ERBB4: variants seen among roughly 807,000 people sequenced by gnomAD.
ERBB4 encodes receptor tyrosine-protein kinase erbB-4.
A neutral mutation model predicts 158.0 loss-of-function variants in ERBB4; 42 were observed. The observed-to-expected ratio is 0.27, with a 90% CI of 0.21 to 0.34. The LOEUF is 0.34. Ranked by LOEUF, ERBB4 falls within the 10% of genes least tolerant of loss-of-function variation. The pLI is 1.00. For missense variants in ERBB4, 1,333 were observed against 1,624.1 expected, an observed-to-expected ratio of 0.82 and a Z score of 3.08; for synonymous variants, 583 against 558.7, an observed-to-expected ratio of 1.04 and a Z score of -0.61.
At chr2:212,507,781 C>T (rs1691275614) in intron 1 of ERBB4, among the ~76,000 whole-genome samples, 1 of 152,140 alleles carries the variant, frequency 6.6e-6, no homozygotes, top group Non-Finnish European at 1.5e-5. Flanking sequence ...GGTGAATATA[C>T]TATAAACATG....
intron 1 of ERBB4, among the ~76,000 whole-genome samples, chr2:212,331,166 T>C (rs1466957532): frequency 6.7e-6 from 1 of 148,242 alleles, no homozygotes; most frequent in African/African-American, 2.4e-5. Flanking sequence ...GTAACACTTA[T>C]TGACAGACCA....
intron 1 of ERBB4, among the ~76,000 whole-genome samples, chr2:212,497,886 CTT>C (rs796857257): frequency 8.5e-5 from 13 of 152,248 alleles, no homozygotes; most frequent in African/African-American, 3.1e-4. Flanking sequence ...ACATTTTAAA[CTT>C]GGGTATATTT....
intron 4 of ERBB4, among the ~76,000 whole-genome samples, chr2:211,763,789 C>T (rs1344210574): frequency 6.6e-6 from 1 of 151,710 alleles, no homozygotes; most frequent in Non-Finnish European, 1.5e-5. Context: ...CAATATTAAA[C>T]AAAGTCTTCT....
intron 2 of ERBB4, among the ~76,000 whole-genome samples, chr2:212,121,000 A>G (rs2079730796): frequency 1.3e-5 from 2 of 152,228 alleles, no homozygotes; most frequent in Non-Finnish European, 1.5e-5. Context: ...CTAAGAGCAC[A>G]AATAAGCCAT....
At chr2:212,371,046 A>C (rs902411804) in intron 1 of ERBB4, among the ~76,000 whole-genome samples, 1 of 152,194 alleles carries the variant, frequency 6.6e-6, no homozygotes, top group Non-Finnish European at 1.5e-5. Context: ...AGATATGAGT[A>C]AAACATGTCC....
At chr2:211,986,654 T>C (rs1336157032) in intron 2 of ERBB4, among the ~76,000 whole-genome samples, 9 of 152,192 alleles carry the variant, frequency 5.9e-5, no homozygotes, top group African/African-American at 1.9e-4. Context: ...AGCCTTGGAA[T>C]TCTTTACTGT....
At chr2:212,013,618 A>C (rs2076442661) in intron 2 of ERBB4, among the ~76,000 whole-genome samples, 1 of 152,218 alleles carries the variant, frequency 6.6e-6, no homozygotes, top group African/African-American at 2.4e-5. Context: ...AAATTTGGAC[A>C]CAGGGACACA....
At chr2:212,183,332 C>G (rs1292260062) in intron 1 of ERBB4, among the ~76,000 whole-genome samples, 2 of 152,030 alleles carry the variant, frequency 1.3e-5, no homozygotes, top group African/African-American at 4.8e-5. Flanking sequence ...AATGTTGAAG[C>G]ATTAGAAACA....
At chr2:211,949,096 C>T (rs575211151) in intron 2 of ERBB4, among the ~76,000 whole-genome samples, 16 of 152,142 alleles carry the variant, frequency 1.1e-4, no homozygotes, top group Admixed American at 3.3e-4. Flanking sequence ...ATTTGTTCTA[C>T]GTTCAGAATG....
chr2:211,808,572 G>T (rs2076673833), intron 3 of ERBB4, among the ~76,000 whole-genome samples: 1 of 152,158 alleles, frequency 6.6e-6, no homozygotes, highest in Admixed American at 6.5e-5. Context: ...GATGCTTTCA[G>T]CTTTGTTCTT....
intron 3 of ERBB4, among the ~76,000 whole-genome samples, chr2:211,818,847 G>C (rs1288182635): frequency 6.6e-6 from 1 of 152,056 alleles, no homozygotes; most frequent in Non-Finnish European, 1.5e-5. Context: ...TGATCACTAA[G>C]AAGAGAACAA....
intron 1 of ERBB4, among the ~76,000 whole-genome samples, chr2:212,186,588 A>C (rs146804918): frequency 1.1e-3 from 170 of 152,274 alleles, no homozygotes; most frequent in African/African-American, 3.9e-3. Context: ...ACCCTGGAGC[A>C]AAAGACTGTC....
At chr2:211,660,574 T>C (rs2071387024) in intron 15 of ERBB4, among the ~76,000 whole-genome samples, 1 of 152,194 alleles carries the variant, frequency 6.6e-6, no homozygotes. Flanking sequence ...TTTGTGTATC[T>C]AGAATTTAGT....
At chr2:212,531,325 G>A (rs558593812) in intron 1 of ERBB4, among the ~76,000 whole-genome samples, 1 of 152,228 alleles carries the variant, frequency 6.6e-6, no homozygotes, top group Non-Finnish European at 1.5e-5. Flanking sequence ...CAAAAATATT[G>A]CAGTCAAAAG....
At chr2:211,743,672 C>T (rs1477115543) in intron 5 of ERBB4, among the ~76,000 whole-genome samples, 2 of 152,142 alleles carry the variant, frequency 1.3e-5, no homozygotes, top group Admixed American at 1.3e-4. Flanking sequence ...TGTAAGCCTG[C>T]TAAATAATAC....
chr2:212,469,476 C>T (rs1470495834), intron 1 of ERBB4, among the ~76,000 whole-genome samples: 2 of 152,112 alleles, frequency 1.3e-5, no homozygotes, highest in Admixed American at 6.6e-5. Context: ...ATTACTGGAA[C>T]TCTTTGAATG....
chr2:211,461,809 A>G (rs1226661524), intron 20 of ERBB4, among the ~76,000 whole-genome samples: 3 of 152,110 alleles, frequency 2.0e-5, no homozygotes, highest in Non-Finnish European at 4.4e-5. Flanking sequence ...AAGATAAGGA[A>G]AAGCAAAATG....
rs1305322848 is a variant in ERBB4, at chr2:212,020,597, C to G, written c.235-72981G>C. Among the ~76,000 whole-genome samples the G allele has an allele frequency of 1.9e-4, 29 of 151,996 alleles. 1 individual carries two copies. Among genetic ancestry groups the G allele is most frequent in the Admixed American group, 1.9e-3 (29 of 15,254 alleles). ...CTCAGAATGCTTTATAAAAGTGTTA[C>G]CTACAAATGTATCCTCAAGCTATTT... On this transcript the variant is annotated intron_variant, in intron 2 of 27. Coordinates refer to ENST00000342788, the MANE Select transcript of ERBB4 (RefSeq NM_005235.3).
At chr2:211,896,063 C>G (rs1379498898) in intron 3 of ERBB4, among the ~76,000 whole-genome samples, 1 of 152,142 alleles carries the variant, frequency 6.6e-6, no homozygotes, top group East Asian at 1.9e-4. Context: ...TTCGTCTTCT[C>G]TACCTATACT....
Sources: gnomAD v4.1 joint callset for allele counts (sites outside exome capture counted in the v4.1 genomes callset) on GRCh38, gnomAD v4.1.1 for gene constraint, MANE v1.5 for transcripts, NCBI Gene and HGNC (gene_info 2026-07-23, HGNC 2026-07-21) for gene names.